The following CSMD1 variants were observed in gnomAD, a reference collection of about 807,000 sequenced individuals.
CSMD1 encodes CUB and Sushi multiple domains 1.
In CSMD1, 213 loss-of-function variants were observed where a neutral mutation model predicts 417.5. That is an observed-to-expected ratio of 0.51 (90% CI 0.46 to 0.57). CSMD1 has a LOEUF of 0.57. CSMD1 is among the 20% of genes least tolerant of loss of function. CSMD1 has a pLI of 0.00. For synonymous variants in CSMD1, 2,862 were observed against 1,736.8 expected (o/e 1.65, Z -16.11); for missense variants, 6,923 against 4,529.7 (o/e 1.53, Z -15.17).
rs549043203 is a variant in CSMD1 at position 4,079,253 on chromosome 8, G to A, written c.416-47154C>T. On this transcript the variant is annotated intron_variant, in intron 3 of 69. Transcript: ENST00000635120. ...ACTGAATGAGTAGATATAGCCCATG[G>A]AGAATAAAGTATAGGAGTTTATCAA... Among the ~76,000 whole-genome samples, 3 of 152,142 alleles carry A rather than the reference G, an allele frequency of 2.0e-5. No homozygotes were observed. In the East Asian group the frequency reaches 5.8e-4, roughly 29 times the overall value.
intron 5 of CSMD1, among the ~76,000 whole-genome samples, chr8:3,954,316 C>T (rs2688334): frequency 0.21 from 32,119 of 152,086 alleles, 3,834 homozygotes; most frequent in African/African-American, 0.29. Flanking sequence ...GGCATGCACG[C>T]GAAGGCTGAA....
chr8:3,438,380 C>G (rs1001775429), intron 12 of CSMD1, among the ~76,000 whole-genome samples: 5 of 152,148 alleles, frequency 3.3e-5, no homozygotes, highest in African/African-American at 1.2e-4. Flanking sequence ...TCCAGCAACA[C>G]AGACATCCCT....
rs976366410 is a variant in CSMD1 at position 3,500,537 on chromosome 8, C to G, written c.1345-6811G>C. 7.7e-4 allele frequency among the ~76,000 whole-genome samples: 117 copies of G among 152,012 alleles called. 2 individuals carry two copies. The highest frequency in any genetic ancestry group is 7.5e-3 in the Admixed American group (115 of 15,260). On this transcript the variant is annotated intron_variant, in intron 10 of 69. Coordinates refer to ENST00000635120, the MANE Select transcript of CSMD1 (RefSeq NM_033225.6). Reference sequence around the variant, plus strand: ...GAGGAATGAGGATGAGCTGCAGTCTCTTTCATATTTAGAGGTCAAGGAATT... The same window carrying G: ...GAGGAATGAGGATGAGCTGCAGTCTGTTTCATATTTAGAGGTCAAGGAATT...
chr8:3,765,693 C>T (rs566084755), intron 5 of CSMD1, among the ~76,000 whole-genome samples: 2 of 152,328 alleles, frequency 1.3e-5, no homozygotes, highest in South Asian at 4.1e-4. Context: ...CTCTCATGCC[C>T]AGTGGCTTCC....
chr8:4,548,405 C>G (rs576207040), intron 2 of CSMD1, among the ~76,000 whole-genome samples: 1 of 152,052 alleles, frequency 6.6e-6, no homozygotes, highest in Non-Finnish European at 1.5e-5. Flanking sequence ...GACGCATAGT[C>G]TATTTCTTTG....
intron 2 of CSMD1, among the ~76,000 whole-genome samples, chr8:4,472,125 C>A (rs1174231066): frequency 6.6e-6 from 1 of 152,152 alleles, no homozygotes; most frequent in Non-Finnish European, 1.5e-5. Context: ...ATTCTTTCTT[C>A]AATATCGATG....
At chr8:4,601,601 C>A (rs187287499) in intron 2 of CSMD1, among the ~76,000 whole-genome samples, 1 of 152,122 alleles carries the variant, frequency 6.6e-6, no homozygotes, top group Non-Finnish European at 1.5e-5. Flanking sequence ...TCAGTACTTT[C>A]CTGCCAGCCT....
At chr8:3,244,140 G>T (rs1249780546) in intron 26 of CSMD1, among the ~76,000 whole-genome samples, 2 of 152,196 alleles carry the variant, frequency 1.3e-5, no homozygotes, top group East Asian at 1.9e-4. Context: ...CGTTCAACAC[G>T]TGAAGGAAAG....
intron 3 of CSMD1, among the ~76,000 whole-genome samples, chr8:4,272,826 T>C (rs1020647522): frequency 6.6e-6 from 1 of 152,210 alleles, no homozygotes; most frequent in Non-Finnish European, 1.5e-5. Context: ...CCTTTGCTTG[T>C]ATCAGTCTTG....
At chr8:3,990,588 G>C (rs1022269488) in intron 5 of CSMD1, among the ~76,000 whole-genome samples, 8 of 152,100 alleles carry the variant, frequency 5.3e-5, no homozygotes, top group Non-Finnish European at 1.2e-4. Flanking sequence ...TTTCAAATAC[G>C]TATTCTTTGA....
At chr8:3,120,210 A>G (rs1046275160) in intron 41 of CSMD1, among the ~76,000 whole-genome samples, 2 of 152,178 alleles carry the variant, frequency 1.3e-5, no homozygotes, top group African/African-American at 4.8e-5. Context: ...GCCAGCAGAC[A>G]GGGGATGGGA....
chr8:4,115,816 A>T (rs997828828), intron 3 of CSMD1, among the ~76,000 whole-genome samples: 38 of 150,164 alleles, frequency 2.5e-4, no homozygotes, highest in African/African-American at 8.3e-4. Flanking sequence ...ATTTCTCAGT[A>T]AAAAAAAAGC....
chr8:4,106,496 T>G (rs1435406987), intron 3 of CSMD1, among the ~76,000 whole-genome samples: 1 of 152,126 alleles, frequency 6.6e-6, no homozygotes, highest in Non-Finnish European at 1.5e-5. Flanking sequence ...GTAACCCTGT[T>G]CAATAGAAAC....
intron 26 of CSMD1, among the ~76,000 whole-genome samples, chr8:3,268,852 T>C (rs1011105006): frequency 6.6e-6 from 1 of 152,140 alleles, no homozygotes; most frequent in Non-Finnish European, 1.5e-5. Flanking sequence ...GCCTGAGGTA[T>C]GGACAAACAC....
intron 5 of CSMD1, among the ~76,000 whole-genome samples, chr8:3,838,862 A>T (rs11988408): frequency 8.7e-6 from 1 of 114,888 alleles, no homozygotes; most frequent in African/African-American, 3.5e-5. Flanking sequence ...TATATATACT[A>T]TTAATTATAT....
rs371105108 is a variant in CSMD1, at chr8:3,454,089, T to C, written c.1561+14623A>G. On this transcript the variant is annotated intron_variant, in intron 12 of 69. Coordinates refer to ENST00000635120, the MANE Select transcript of CSMD1 (RefSeq NM_033225.6). Reference sequence around the variant, plus strand: ...TAATGGCCTTCTTTGTCTCTTTTGATCTTTGTTGGTTTAAAGTCTGTTTTA... The same window carrying C: ...TAATGGCCTTCTTTGTCTCTTTTGACCTTTGTTGGTTTAAAGTCTGTTTTA... Among the ~76,000 whole-genome samples, 132 of 152,290 alleles carry C rather than the reference T, an allele frequency of 8.7e-4. No individual in the cohort carries two copies. The Middle Eastern group carries it at 0.017, about 20-fold the overall frequency.
At chr8:4,472,149 A>G (rs1000935461) in intron 2 of CSMD1, among the ~76,000 whole-genome samples, 1 of 152,196 alleles carries the variant, frequency 6.6e-6, no homozygotes. Flanking sequence ...CTTGATTGTC[A>G]TACTTTTTAA....
In CSMD1 at chr8:3,949,872, T is replaced by C. The variant is rs1811490128; in HGVS notation, c.818+48031A>G. 1.3e-5 allele frequency: 6 copies of C among 455,612 alleles called. No individual in the cohort carries two copies. In the Admixed American group the frequency reaches 1.4e-4, roughly 11 times the overall value. The allele number at this position is 455,612 out of a possible 1,614,324, so 28.2% of individuals were successfully genotyped here. A position where few individuals can be genotyped will look rare whatever the true frequency, so the allele number is the denominator to read the frequency against. On this transcript the variant is annotated intron_variant, in intron 5 of 69. Coordinates refer to ENST00000635120, the MANE Select transcript of CSMD1 (RefSeq NM_033225.6). ...ATCCCTGGGGACATGGCCTCCTCAT[T>C]CAGCCCCAATTCAAGATTGTGCCTC...
At chr8:3,419,485 C>T (rs2134569) in intron 12 of CSMD1, among the ~76,000 whole-genome samples, 1 of 152,072 alleles carries the variant, frequency 6.6e-6, no homozygotes, top group Non-Finnish European at 1.5e-5. Context: ...TAAGCATATA[C>T]ACTGATTTTT....
Sources: allele counts gnomAD v4.1 joint callset (sites outside exome capture counted in the v4.1 genomes callset), GRCh38; gene constraint gnomAD v4.1.1; transcripts MANE v1.5; gene names NCBI Gene and HGNC (gene_info 2026-07-23, HGNC 2026-07-21).